The following BCAS3 variants were observed in gnomAD, a reference collection of about 807,000 sequenced individuals.
BCAS3 encodes BCAS3 microtubule associated cell migration factor.
A neutral mutation model predicts 116.1 loss-of-function variants in BCAS3; 53 were observed. That is an observed-to-expected ratio of 0.46 (90% CI 0.37 to 0.57). The LOEUF is 0.57. BCAS3 is among the 20% of genes least tolerant of loss of function. BCAS3 has a pLI of 0.00. For synonymous variants in BCAS3, 391 were observed against 408.2 expected (o/e 0.96, Z 0.51); for missense variants, 917 against 1,165.4 (o/e 0.79, Z 3.10).
At chr17:60,801,891 ATGTAT>A (rs1461500168) in intron 6 of BCAS3, among the ~76,000 whole-genome samples, 4 of 151,978 alleles carry the variant, frequency 2.6e-5, no homozygotes, top group African/African-American at 9.7e-5. Context: ...TCTGTCATCT[ATGTAT>A]TGACTGTTTG....
intron 7 of BCAS3, among the ~76,000 whole-genome samples, chr17:60,836,388 G>A (rs2051378335): frequency 6.6e-6 from 1 of 152,046 alleles, no homozygotes; most frequent in South Asian, 2.1e-4. Flanking sequence ...AACAGTGAGC[G>A]AGACTTAATC....
chr17:61,151,481 T>C lies in BCAS3; in HGVS notation c.2425+66917T>C, dbSNP rs2077539220. Among the ~76,000 whole-genome samples the C allele has an allele frequency of 6.6e-6, 1 of 152,030 alleles. No homozygotes were observed. The highest frequency in any genetic ancestry group is 6.6e-5 in the Admixed American group (1 of 15,262). The stretch of plus-strand genomic sequence containing the variant: ...CTCTTTCATTCAACGTTTTCTTTTT[T>C]TTTTGAGATAGGGTTTCACTCTGTC... On this transcript the variant is annotated intron_variant, in intron 22 of 23. Transcript: ENST00000407086. The surrounding 1 kb of genome is among the most constrained non-coding windows in gnomAD (Gnocchi z 4.8).
Position 60,990,295 on chromosome 17 carries a change from C to T in BCAS3, c.1486+60C>T, listed in dbSNP as rs1299241611. On this transcript the variant is annotated intron_variant, in intron 15 of 23. Coordinates refer to ENST00000407086, the MANE Select transcript of BCAS3 (RefSeq NM_017679.5). This position sits in a 1 kb window ranked among gnomAD's most constrained non-coding sequence, Gnocchi z 5.1. ...TTCCTTCCCTTTGTCCTTATTTTTA[C>T]AGATCTGGGATAAAACTAAACTTGT... is the stretch of plus-strand genomic sequence containing the variant. The T allele has an allele frequency of 6.4e-7, 1 of 1,559,318 alleles. No individual in the cohort carries two copies. The highest frequency in any genetic ancestry group is 8.8e-7 in the Non-Finnish European group (1 of 1,142,118).
At position 61,019,474 on chromosome 17, in the gene BCAS3, GAATAT is replaced by G. The variant is rs558321261; in HGVS notation, c.1637+3580_1637+3584del. On this transcript the variant is annotated intron_variant, in intron 16 of 23. Coordinates refer to ENST00000407086, the MANE Select transcript of BCAS3 (RefSeq NM_017679.5). This position sits in a 1 kb window ranked among gnomAD's most constrained non-coding sequence, Gnocchi z 5.6. ...AAAACATTTAATCATAAAGTTTTCA[GAATAT>G]AATATATGGTTTGATTATCTTAAAA... Among the ~76,000 whole-genome samples, 723 of 152,156 alleles carry G rather than the reference GAATAT, an allele frequency of 4.8e-3. 3 individuals carry two copies. The highest frequency in any genetic ancestry group is 0.016 in the African/African-American group (665 of 41,510).
intron 22 of BCAS3, among the ~76,000 whole-genome samples, chr17:61,092,990 C>T (rs567020877): frequency 9.1e-5 from 13 of 143,044 alleles, no homozygotes; most frequent in Non-Finnish European, 1.5e-4. Context: ...ACTGCAACTT[C>T]CGTCTCCCAG....
At chr17:61,103,959 A>G (rs751074671) in intron 22 of BCAS3, among the ~76,000 whole-genome samples, 6 of 152,108 alleles carry the variant, frequency 3.9e-5, no homozygotes, top group African/African-American at 7.2e-5. Context: ...GGATGTCACT[A>G]TTCTCCACTC....
In BCAS3 at chr17:61,244,814, G is replaced by A. The variant is rs993651186; in HGVS notation, c.2426-123513G>A. Among the ~76,000 whole-genome samples, 6 of 152,122 alleles carry A rather than the reference G, an allele frequency of 3.9e-5. No homozygotes were observed. The highest frequency in any genetic ancestry group is 8.8e-5 in the Non-Finnish European group (6 of 68,020). On this transcript the variant is annotated intron_variant, in intron 22 of 23. Transcript: ENST00000407086. The surrounding 1 kb of genome is among the most constrained non-coding windows in gnomAD (Gnocchi z 4.9). ...GGAGGCAGAGCTTGCAGTGAGCCGAGATCGCGCCACTGTACCCCAGCCTGA... is the reference window on the plus strand; with the variant it reads ...GGAGGCAGAGCTTGCAGTGAGCCGAAATCGCGCCACTGTACCCCAGCCTGA...
At chr17:61,216,134 G>A (rs149866928) in intron 22 of BCAS3, among the ~76,000 whole-genome samples, 1 of 152,266 alleles carries the variant, frequency 6.6e-6, no homozygotes, top group African/African-American at 2.4e-5. Context: ...CACTGTTTCA[G>A]ATTAGGGGGC....
intron 15 of BCAS3, among the ~76,000 whole-genome samples, chr17:60,996,572 T>C (rs1225151502): frequency 6.6e-6 from 1 of 152,164 alleles, no homozygotes; most frequent in Admixed American, 6.5e-5. Context: ...TTGGACATGT[T>C]AAGTTTAATA....
rs371948312 is a variant in BCAS3 at position 61,332,208 on chromosome 17, G to A, written c.2426-36119G>A. Among the ~76,000 whole-genome samples the A allele has an allele frequency of 2.0e-5, 3 of 152,138 alleles. No homozygotes were observed. Among genetic ancestry groups the A allele is most frequent in the East Asian group, 1.9e-4 (1 of 5,178 alleles). On this transcript the variant is annotated intron_variant, in intron 22 of 23. Transcript: ENST00000407086. This position sits in a 1 kb window ranked among gnomAD's most constrained non-coding sequence, Gnocchi z 5.4. Reference sequence around the variant, plus strand: ...CTGGATGGCTTCTCTTCTATGTTTCGGGGACATGAGAAGAAGGCATTCTTA... The same window carrying A: ...CTGGATGGCTTCTCTTCTATGTTTCAGGGACATGAGAAGAAGGCATTCTTA...
rs890756942 is a variant in BCAS3 at position 61,233,783 on chromosome 17, C to A, written c.2426-134544C>A. Among the ~76,000 whole-genome samples, 2 of 152,118 alleles carry A rather than the reference C, an allele frequency of 1.3e-5. No individual in the cohort carries two copies. The highest frequency in any genetic ancestry group is 2.4e-5 in the African/African-American group (1 of 41,436). ...TTTTCTAATAAAATTTTATGCAGGA[C>A]CCCAATCTATAAAACAGATACAAGA... On this transcript the variant is annotated intron_variant, in intron 22 of 23. Coordinates refer to ENST00000407086, the MANE Select transcript of BCAS3 (RefSeq NM_017679.5). The surrounding 1 kb of genome is among the most constrained non-coding windows in gnomAD (Gnocchi z 4.3).
chr17:60,929,675 C>T (rs949996980), intron 13 of BCAS3, among the ~76,000 whole-genome samples: 2 of 148,368 alleles, frequency 1.3e-5, no homozygotes, highest in Non-Finnish European at 3.0e-5. Flanking sequence ...CCCATTAACT[C>T]GTCATTTAGC....
At chr17:61,154,149 C>A (rs1478597239) in intron 22 of BCAS3, among the ~76,000 whole-genome samples, 1 of 152,046 alleles carries the variant, frequency 6.6e-6, no homozygotes, top group Admixed American at 6.6e-5. Flanking sequence ...AGTTTGTTTT[C>A]TTTTCCCTTG....
chr17:61,370,292 G>GTTTTTTATT, intron 23 of BCAS3, among the ~76,000 whole-genome samples: 1 of 151,228 alleles, frequency 6.6e-6, no homozygotes. Context: ...TTTAGCAGAG[G>GTTTTTTATT]GATTTCATTG....
chr17:60,800,777 AT>A (rs928326203), intron 6 of BCAS3, among the ~76,000 whole-genome samples: 7 of 151,202 alleles, frequency 4.6e-5, no homozygotes, highest in Admixed American at 2.0e-4. Context: ...GTGAGATTTA[AT>A]TTTTTTTTAT....
chr17:61,377,358 T>G lies in BCAS3; in HGVS notation c.2593+8864T>G, dbSNP rs571523589. On this transcript the variant is annotated intron_variant, in intron 23 of 23. Transcript: ENST00000407086. The surrounding 1 kb of genome is among the most constrained non-coding windows in gnomAD (Gnocchi z 4.6). ...GCCGGTGGCCTCGGCAGGGGTGGTG[T>G]TGTTGGTGTTGCTATTTGTGTCTCG... 2.8e-3 allele frequency among the ~76,000 whole-genome samples: 426 copies of G among 152,154 alleles called. 3 individuals are homozygous for G. The highest frequency in any genetic ancestry group is 4.8e-3 in the Non-Finnish European group (326 of 67,990).
Position 61,368,724 on chromosome 17 carries a change from A to G in BCAS3, c.2593+230A>G, listed in dbSNP as rs934310172. On this transcript the variant is annotated intron_variant, in intron 23 of 23. Coordinates refer to ENST00000407086, the MANE Select transcript of BCAS3 (RefSeq NM_017679.5). This position sits in a 1 kb window ranked among gnomAD's most constrained non-coding sequence, Gnocchi z 6.0. ...GTGGAATACCACATGCAGGATTGCC[A>G]TGATCAACACCACTGTGCAAGTGGC... Among the ~76,000 whole-genome samples, 1 of 152,200 alleles carries G rather than the reference A, an allele frequency of 6.6e-6. No homozygotes were observed. The highest frequency in any genetic ancestry group is 1.5e-5 in the Non-Finnish European group (1 of 68,036).
intron 14 of BCAS3, among the ~76,000 whole-genome samples, chr17:60,987,853 G>A (rs374246699): frequency 1.3e-5 from 2 of 151,920 alleles, no homozygotes; most frequent in East Asian, 1.9e-4. Context: ...TAGGACTTCC[G>A]GTACTTTGTT....
chr17:60,943,447 C>G (rs2060325251), intron 13 of BCAS3, among the ~76,000 whole-genome samples: 1 of 151,996 alleles, frequency 6.6e-6, no homozygotes, highest in Non-Finnish European at 1.5e-5. Context: ...AAGTTAATAT[C>G]AGAAAAAACT....
Sources: gnomAD v4.1 joint callset for allele counts (sites outside exome capture counted in the v4.1 genomes callset) on GRCh38, gnomAD v4.1.1 for gene constraint, Gnocchi (gnomAD v3.1) non-coding constraint, MANE v1.5 for transcripts, NCBI Gene and HGNC (gene_info 2026-07-23, HGNC 2026-07-21) for gene names.